RETREG1: variants seen among roughly 807,000 people sequenced by gnomAD.
RETREG1 encodes family with sequence similarity 134 member B.
In RETREG1, 44 loss-of-function variants were observed where a neutral mutation model predicts 54.8. The observed-to-expected ratio is 0.80, with a 90% confidence interval of 0.63 to 1.03. The LOEUF (loss-of-function observed/expected upper bound fraction) is 1.03, where lower values mean the gene tolerates loss of function less well. Ranked by LOEUF, RETREG1 falls within the 50% of genes least tolerant of loss-of-function variation. The pLI is 0.00. For synonymous variants in RETREG1, 217 were observed against 238.5 expected (o/e 0.91, Z 0.83); for missense variants, 554 against 605.1 (o/e 0.92, Z 0.89).
At chr5:16,592,034 C>T (rs907754984) in intron 1 of RETREG1, among the ~76,000 whole-genome samples, 1 of 152,180 alleles carries the variant, frequency 6.6e-6, no homozygotes, top group Non-Finnish European at 1.5e-5. Context: ...GAGTCTACAA[C>T]ACAATCCTAA....
At chr5:16,527,800 A>ATTTTTTT (rs386403108) in intron 3 of RETREG1, among the ~76,000 whole-genome samples, 2,672 of 66,184 alleles carry the variant, frequency 0.04, 613 homozygotes, top group Middle Eastern at 0.091. Flanking sequence ...AGGGACTCTA[A>ATTTTTTT]TTTTTTTTTT....
chr5:16,541,124 C>T (rs540183449), intron 3 of RETREG1, among the ~76,000 whole-genome samples: 1 of 152,152 alleles, frequency 6.6e-6, no homozygotes, highest in East Asian at 1.9e-4. Context: ...ATGTTTGTGT[C>T]CCTCCAAAAT....
chr5:16,612,796 ATG>A (rs141326498), intron 1 of RETREG1, among the ~76,000 whole-genome samples: 92 of 151,554 alleles, frequency 6.1e-4, no homozygotes, highest in African/African-American at 1.4e-3. Context: ...AAGAATGCAT[ATG>A]TGTGTGTGTG....
At chr5:16,566,370 TAC>T (rs746877740) in intron 2 of RETREG1, among the ~76,000 whole-genome samples, 8 of 126,276 alleles carry the variant, frequency 6.3e-5, no homozygotes, top group African/African-American at 2.3e-4. Flanking sequence ...AAACATAAAA[TAC>T]ACACACACAC....
chr5:16,522,761 T>G (rs1485982675), intron 3 of RETREG1, among the ~76,000 whole-genome samples: 2 of 152,092 alleles, frequency 1.3e-5, no homozygotes, highest in Non-Finnish European at 2.9e-5. Context: ...TCCCAACAGT[T>G]TGAGAGGCTA....
At chr5:16,557,483 A>G (rs1246182642) in intron 3 of RETREG1, among the ~76,000 whole-genome samples, 1 of 152,248 alleles carries the variant, frequency 6.6e-6, no homozygotes, top group Non-Finnish European at 1.5e-5. Context: ...TGGAAACTGC[A>G]TGTAGAACTT....
At chr5:16,499,180 G>C (rs976684213) in intron 3 of RETREG1, among the ~76,000 whole-genome samples, 10 of 151,888 alleles carry the variant, frequency 6.6e-5, no homozygotes, top group Admixed American at 2.6e-4. Context: ...CCAGGCAACA[G>C]GGACTTTTCC....
chr5:16,525,081 T>C (rs1329520751), intron 3 of RETREG1, among the ~76,000 whole-genome samples: 1 of 149,752 alleles, frequency 6.7e-6, no homozygotes, highest in Admixed American at 6.7e-5. Flanking sequence ...CGGGGGACAC[T>C]GTGCTGACCT....
chr5:16,508,970 C>T, intron 3 of RETREG1: 1 of 1,058,408 alleles, frequency 9.4e-7, no homozygotes, highest in Non-Finnish European at 1.1e-6. Flanking sequence ...GAGAAGGTGT[C>T]CCCGCTCAGC....
At chr5:16,554,648 T>C (rs1472944293) in intron 3 of RETREG1, among the ~76,000 whole-genome samples, 1 of 152,246 alleles carries the variant, frequency 6.6e-6, no homozygotes, top group East Asian at 1.9e-4. Context: ...TATGATGTAC[T>C]GCGCATATAC....
chr5:16,514,526 T>G (rs62369681), intron 3 of RETREG1, among the ~76,000 whole-genome samples: 13,972 of 152,264 alleles, frequency 0.092, 737 homozygotes, highest in Non-Finnish European at 0.11. Context: ...TTTTGAAATG[T>G]TTTAGCTTAA....
chr5:16,516,761 A>G (rs1042806875), intron 3 of RETREG1, among the ~76,000 whole-genome samples: 2 of 151,910 alleles, frequency 1.3e-5, no homozygotes, highest in African/African-American at 4.8e-5. Flanking sequence ...TTTTCACAAG[A>G]CATATAACAA....
chr5:16,515,382 C>T (rs1374610243), intron 3 of RETREG1, among the ~76,000 whole-genome samples: 2 of 152,180 alleles, frequency 1.3e-5, no homozygotes, highest in African/African-American at 4.8e-5. Flanking sequence ...TCATAATCTC[C>T]TTATTCCAAT....
At chr5:16,583,414 A>G (rs1262229242) in intron 1 of RETREG1, among the ~76,000 whole-genome samples, 1 of 152,012 alleles carries the variant, frequency 6.6e-6, no homozygotes. Context: ...AATCGCCTGA[A>G]CCCTGGAGCT....
chr5:16,512,169 A>C (rs778644487), intron 3 of RETREG1, among the ~76,000 whole-genome samples: 2 of 152,174 alleles, frequency 1.3e-5, no homozygotes, highest in Non-Finnish European at 2.9e-5. Flanking sequence ...TCTAGAACTT[A>C]AGGACTCACA....
At chr5:16,496,181 T>G (rs1309434137) in intron 3 of RETREG1, among the ~76,000 whole-genome samples, 1 of 152,246 alleles carries the variant, frequency 6.6e-6, no homozygotes, top group East Asian at 1.9e-4. Context: ...TTTGACTTAA[T>G]TTTCATAAAC....
At chr5:16,610,768 G>A (rs1743320249) in intron 1 of RETREG1, among the ~76,000 whole-genome samples, 1 of 152,168 alleles carries the variant, frequency 6.6e-6, no homozygotes, top group Non-Finnish European at 1.5e-5. Flanking sequence ...AGGTGCTGCA[G>A]AGGATGTGGA....
At chr5:16,511,599 T>C (rs764730221) in intron 3 of RETREG1, among the ~76,000 whole-genome samples, 3 of 152,192 alleles carry the variant, frequency 2.0e-5, no homozygotes, top group Non-Finnish European at 4.4e-5. Flanking sequence ...GGTACATTTG[T>C]GGTAATTCCT....
intron 3 of RETREG1, among the ~76,000 whole-genome samples, chr5:16,520,425 G>A (rs185301195): frequency 2.6e-5 from 4 of 152,172 alleles, no homozygotes; most frequent in Admixed American, 6.5e-5. Flanking sequence ...CGTCTCCCGC[G>A]TTCAAGCGAT....
Sources: allele counts gnomAD v4.1 joint callset (sites outside exome capture counted in the v4.1 genomes callset), GRCh38; gene constraint gnomAD v4.1.1; transcripts MANE v1.5; gene names NCBI Gene and HGNC (gene_info 2026-07-23, HGNC 2026-07-21).